NRXN1: variants seen among roughly 807,000 people sequenced by gnomAD.
The protein encoded by NRXN1 is neurexin 1.
A neutral mutation model predicts 150.9 loss-of-function variants in NRXN1; 39 were observed. The ratio of observed to expected loss-of-function variants is 0.26; its 90% CI spans 0.20 to 0.34. The LOEUF is 0.34. Ranked by LOEUF, NRXN1 falls within the 10% of genes least tolerant of loss-of-function variation. The pLI, the probability that NRXN1 is intolerant of heterozygous loss-of-function variation, is 1.00. For missense variants in NRXN1, 1,815 were observed against 1,949.9 expected, an observed-to-expected ratio of 0.93 and a Z score of 1.30; for synonymous variants, 924 against 757.0, an observed-to-expected ratio of 1.22 and a Z score of -3.62.
At chr2:50,830,400 T>TTGTC (rs1671248510) in intron 5 of NRXN1, among the ~76,000 whole-genome samples, 2 of 151,964 alleles carry the variant, frequency 1.3e-5, no homozygotes, top group Admixed American at 6.6e-5. Context: ...TTATTGTGAA[T>TTGTC]TGTCACACAC....
chr2:50,107,922 G>C (rs1701897760), intron 18 of NRXN1, among the ~76,000 whole-genome samples: 1 of 151,802 alleles, frequency 6.6e-6, no homozygotes, highest in South Asian at 2.1e-4. Flanking sequence ...GTGTGAGACA[G>C]ATGCCATTAT....
chr2:50,786,228 G>A (rs10187627), intron 5 of NRXN1, among the ~76,000 whole-genome samples: 2,679 of 152,166 alleles, frequency 0.018, 83 homozygotes, highest in African/African-American at 0.06. Context: ...TGCACATAAT[G>A]AGGGCCATCT....
intron 5 of NRXN1, among the ~76,000 whole-genome samples, chr2:50,626,376 A>T (rs1681054977): frequency 6.6e-6 from 1 of 151,992 alleles, no homozygotes; most frequent in South Asian, 2.1e-4. Context: ...GCCTGCGTAA[A>T]GATGGACATT....
chr2:50,992,920 C>G (rs1355829602), intron 2 of NRXN1, among the ~76,000 whole-genome samples: 3 of 151,860 alleles, frequency 2.0e-5, no homozygotes, highest in Admixed American at 6.6e-5. Flanking sequence ...TCTATAGGTA[C>G]AGCAATATAA....
At chr2:50,082,367 A>G (rs1483220942) in intron 19 of NRXN1, among the ~76,000 whole-genome samples, 1 of 152,204 alleles carries the variant, frequency 6.6e-6, no homozygotes, top group Non-Finnish European at 1.5e-5. Context: ...TAAGAACTTA[A>G]ATTGCTAAAC....
At chr2:50,353,979 T>C (rs2078608175) in intron 17 of NRXN1, among the ~76,000 whole-genome samples, 1 of 152,146 alleles carries the variant, frequency 6.6e-6, no homozygotes, top group Non-Finnish European at 1.5e-5. Flanking sequence ...AAGCTGCTAG[T>C]CCAGGGGAAT....
At chr2:50,720,421 C>T (rs1245046751) in intron 5 of NRXN1, among the ~76,000 whole-genome samples, 1 of 152,192 alleles carries the variant, frequency 6.6e-6, no homozygotes, top group Non-Finnish European at 1.5e-5. Context: ...TTGCTTCCAT[C>T]TGTGAGCAAA....
chr2:49,958,845 C>G (rs1276800992), intron 21 of NRXN1, among the ~76,000 whole-genome samples: 1 of 152,122 alleles, frequency 6.6e-6, no homozygotes, highest in Non-Finnish European at 1.5e-5. Flanking sequence ...TTCTTCCTTC[C>G]AATTTGCCCC....
At chr2:50,559,063 C>T (rs1668671559) in intron 8 of NRXN1, among the ~76,000 whole-genome samples, 1 of 152,060 alleles carries the variant, frequency 6.6e-6, no homozygotes, top group African/African-American at 2.4e-5. Flanking sequence ...GCCTGGGTGA[C>T]AGAGTGAGAC....
At chr2:50,694,781 C>T (rs896796005) in intron 5 of NRXN1, among the ~76,000 whole-genome samples, 1 of 152,066 alleles carries the variant, frequency 6.6e-6, no homozygotes, top group Non-Finnish European at 1.5e-5. Flanking sequence ...ATATTTAATC[C>T]AGAAAATGCT....
intron 22 of NRXN1, among the ~76,000 whole-genome samples, chr2:49,925,994 G>A (rs1399947350): frequency 6.6e-6 from 1 of 152,138 alleles, no homozygotes; most frequent in African/African-American, 2.4e-5. Flanking sequence ...GGGCCCAGGG[G>A]CATAAGGAAC....
At position 50,347,777 on chromosome 2, in the gene NRXN1, T is replaced by C; in HGVS notation, c.3365-110807A>G. 3 of 986,752 alleles carry C rather than the reference T, an allele frequency of 3.0e-6. No homozygotes were observed. The highest frequency in any genetic ancestry group is 3.6e-6 in the Non-Finnish European group (3 of 830,956). The allele number at this position is 986,752 out of a possible 1,614,324, so 61.1% of individuals were successfully genotyped here. ...AAAAGAAAAGAAAAACCACACACGC[T>C]GGTGAAGCAAGGGGCTCTATGCAAA... On this transcript the variant is annotated intron_variant, in intron 17 of 22. Transcript: ENST00000401669. This position sits in a 1 kb window ranked among gnomAD's most constrained non-coding sequence, Gnocchi z 4.9.
chr2:50,264,374 T>C (rs1558405239), intron 17 of NRXN1, among the ~76,000 whole-genome samples: 1 of 152,056 alleles, frequency 6.6e-6, no homozygotes, highest in South Asian at 2.1e-4. Context: ...AGACTAGCCA[T>C]TCATTCCTTC....
intron 2 of NRXN1, among the ~76,000 whole-genome samples, chr2:50,944,813 C>G (rs1303955256): frequency 6.6e-6 from 1 of 152,006 alleles, no homozygotes; most frequent in Non-Finnish European, 1.5e-5. Flanking sequence ...ATAATTAACC[C>G]TGTGCTTGAA....
chr2:50,765,293 A>T (rs1210616713), intron 5 of NRXN1, among the ~76,000 whole-genome samples: 2 of 152,058 alleles, frequency 1.3e-5, no homozygotes, highest in Non-Finnish European at 2.9e-5. Context: ...CTGGAATGTA[A>T]CACATCTCTA....
At chr2:50,883,897 T>C (rs373013937) in intron 5 of NRXN1, among the ~76,000 whole-genome samples, 9 of 151,884 alleles carry the variant, frequency 5.9e-5, no homozygotes, top group East Asian at 3.9e-4. Flanking sequence ...AGTCAGAATG[T>C]TGATTACTTT....
intron 22 of NRXN1, among the ~76,000 whole-genome samples, chr2:49,928,139 A>C (rs920979287): frequency 5.3e-5 from 8 of 151,912 alleles, no homozygotes; most frequent in Admixed American, 2.0e-4. Flanking sequence ...AAAAAAAAAA[A>C]CATAGGCTAT....
At chr2:50,091,566 G>A (rs1699581489) in intron 18 of NRXN1, 72 bp from the exon 19 acceptor site, 3 of 1,505,288 alleles carry the variant, frequency 2.0e-6, no homozygotes, top group Admixed American at 3.4e-5. Flanking sequence ...TTACATACAA[G>A]GTATTGTTTT....
chr2:50,957,223 G>A (rs1575051980), intron 2 of NRXN1, among the ~76,000 whole-genome samples: 1 of 152,106 alleles, frequency 6.6e-6, no homozygotes, highest in Non-Finnish European at 1.5e-5. Context: ...CAGACATCAA[G>A]ATAAACCTGG....
Sources: gnomAD v4.1 joint callset for allele counts (sites outside exome capture counted in the v4.1 genomes callset) on GRCh38, gnomAD v4.1.1 for gene constraint, Gnocchi (gnomAD v3.1) non-coding constraint, MANE v1.5 for transcripts, NCBI Gene and HGNC (gene_info 2026-07-23, HGNC 2026-07-21) for gene names.